APPBP2: variants seen among roughly 807,000 people sequenced by gnomAD.
APPBP2 encodes the protein amyloid beta precursor protein binding protein 2.
In APPBP2, 15 loss-of-function variants were observed where a neutral mutation model predicts 76.0. That is an observed-to-expected ratio of 0.20 (90% CI 0.13 to 0.30). APPBP2 has a LOEUF of 0.30. APPBP2 is among the 10% of genes least tolerant of loss of function. The pLI, the probability that APPBP2 is intolerant of heterozygous loss-of-function variation, is 1.00. For missense variants in APPBP2, 401 were observed against 687.2 expected (o/e 0.58, Z 4.66); for synonymous variants, 222 against 242.2 (o/e 0.92, Z 0.77).
chr17:60,456,903 A>AG (rs2090435218), intron 9 of APPBP2, among the ~76,000 whole-genome samples: 1 of 152,062 alleles, frequency 6.6e-6, no homozygotes, highest in Admixed American at 6.6e-5. Context: ...TGGGAGGCTG[A>AG]GGTGGGTGGA....
At chr17:60,524,131 GCACCATC>G in intron 1 of APPBP2, among the ~76,000 whole-genome samples, 1 of 152,226 alleles carries the variant, frequency 6.6e-6, no homozygotes, top group East Asian at 1.9e-4. Context: ...TCTAACAAAA[GCACCATC>G]TATTCATACT....
At chr17:60,460,550 C>A in intron 9 of APPBP2, 113 bp downstream of exon 9, 1 of 1,069,504 alleles carries the variant, frequency 9.4e-7, no homozygotes, top group Non-Finnish European at 1.3e-6. Context: ...AAGTTCAATC[C>A]ATAAAGTATA....
At chr17:60,516,655 C>A (rs1392710808) in intron 1 of APPBP2, among the ~76,000 whole-genome samples, 1 of 152,130 alleles carries the variant, frequency 6.6e-6, no homozygotes, top group Non-Finnish European at 1.5e-5. Context: ...CACCTTTGGG[C>A]TATTATGAAT....
chr17:60,501,732 G>A (rs938027870), intron 1 of APPBP2, among the ~76,000 whole-genome samples: 6 of 152,166 alleles, frequency 3.9e-5, no homozygotes, highest in Non-Finnish European at 7.3e-5. Flanking sequence ...TAACAGCTCA[G>A]TTGATGAGAA....
At chr17:60,499,184 A>G (rs1444863742) in intron 2 of APPBP2, among the ~76,000 whole-genome samples, 1 of 151,772 alleles carries the variant, frequency 6.6e-6, no homozygotes, top group Non-Finnish European at 1.5e-5. Flanking sequence ...TAAAAAAATT[A>G]GCTGGGTGTG....
intron 11 of APPBP2, among the ~76,000 whole-genome samples, chr17:60,453,113 A>G (rs2090407215): frequency 6.6e-6 from 1 of 152,216 alleles, no homozygotes; most frequent in South Asian, 2.1e-4. Flanking sequence ...ACTATATACT[A>G]AGAACTGTTT....
intron 4 of APPBP2, among the ~76,000 whole-genome samples, chr17:60,470,191 C>CTT (rs1178563357): frequency 1.3e-5 from 2 of 152,162 alleles, no homozygotes; most frequent in African/African-American, 4.8e-5. Context: ...ATGTGCTTAT[C>CTT]TTTTCATGTG....
chr17:60,452,150 C>G, intron 11 of APPBP2, 105 bp from the exon 12 acceptor site: 1 of 1,138,164 alleles, frequency 8.8e-7, no homozygotes, highest in Non-Finnish European at 1.3e-6. Flanking sequence ...CTTATGAATG[C>G]CATAAGGTAA....
chr17:60,494,705 C>T, intron 2 of APPBP2, 88 bp from the exon 3 acceptor site: 4 of 1,160,892 alleles, frequency 3.4e-6, no homozygotes, highest in Admixed American at 3.0e-5. Flanking sequence ...TAAATAATAG[C>T]ACCATTATTT....
intron 9 of APPBP2, among the ~76,000 whole-genome samples, chr17:60,458,161 T>C (rs1025395613): frequency 6.6e-6 from 1 of 152,126 alleles, no homozygotes; most frequent in African/African-American, 2.4e-5. Flanking sequence ...CAGCCAGGCA[T>C]GGTGGCTCAC....
intron 3 of APPBP2, among the ~76,000 whole-genome samples, chr17:60,486,104 G>A (rs1327935501): frequency 1.3e-5 from 2 of 152,198 alleles, no homozygotes; most frequent in South Asian, 2.1e-4. Flanking sequence ...TTGCCAAGGA[G>A]TGCTTTACTT....
intron 1 of APPBP2, among the ~76,000 whole-genome samples, chr17:60,503,732 C>G (rs570132069): frequency 1.4e-5 from 2 of 146,514 alleles, no homozygotes; most frequent in Admixed American, 6.6e-5. Context: ...GGATACCAAT[C>G]CAGAAAAAAA....
At chr17:60,481,247 C>T (rs59389446) in intron 3 of APPBP2, among the ~76,000 whole-genome samples, 6,597 of 152,222 alleles carry the variant, frequency 0.043, 286 homozygotes, top group East Asian at 0.23. Context: ...GTCCATAATA[C>T]CCTACTGTTC....
chr17:60,507,049 T>G (rs1305308484), intron 1 of APPBP2, among the ~76,000 whole-genome samples: 1 of 151,858 alleles, frequency 6.6e-6, no homozygotes, highest in African/African-American at 2.4e-5. Flanking sequence ...AAATAAAAAT[T>G]TTTTCTTTCT....
intron 2 of APPBP2, among the ~76,000 whole-genome samples, chr17:60,495,113 TA>T (rs1239533931): frequency 2.0e-5 from 3 of 150,240 alleles, no homozygotes; most frequent in African/African-American, 7.5e-5. Context: ...GCCTCCCAAG[TA>T]GCTGGAACTA....
chr17:60,498,198 T>TTAA (rs1192882508), intron 2 of APPBP2, among the ~76,000 whole-genome samples: 3 of 152,018 alleles, frequency 2.0e-5, no homozygotes, highest in East Asian at 3.9e-4. Context: ...ATGATGATAC[T>TTAA]TAAAACGGGA....
At chr17:60,518,936 G>A (rs1337259738) in intron 1 of APPBP2, among the ~76,000 whole-genome samples, 2 of 152,132 alleles carry the variant, frequency 1.3e-5, no homozygotes, top group East Asian at 1.9e-4. Flanking sequence ...GGTAAAGATA[G>A]ATTTTAAAAT....
At chr17:60,472,176 C>CA (rs1251944015) in intron 4 of APPBP2, among the ~76,000 whole-genome samples, 1 of 151,942 alleles carries the variant, frequency 6.6e-6, no homozygotes, top group African/African-American at 2.4e-5. Flanking sequence ...AAAACAAAAA[C>CA]AAAACAAAAC....
chr17:60,502,526 T>C (rs2090830719), intron 1 of APPBP2, among the ~76,000 whole-genome samples: 1 of 148,084 alleles, frequency 6.8e-6, no homozygotes, highest in African/African-American at 2.7e-5. Context: ...GACTTTTCAT[T>C]ATCAAACTTA....
Sources: gnomAD v4.1 joint callset for allele counts (sites outside exome capture counted in the v4.1 genomes callset) on GRCh38, gnomAD v4.1.1 for gene constraint, MANE v1.5 for transcripts, NCBI Gene and HGNC (gene_info 2026-07-23, HGNC 2026-07-21) for gene names.